Variants in COL4A4 observed in about 807,000 individuals in gnomAD.
COL4A4 encodes the protein collagen alpha-4(IV) chain.
A neutral mutation model predicts 192.9 loss-of-function variants in COL4A4; 105 were observed. The observed-to-expected ratio is 0.54, with a 90% CI of 0.46 to 0.64. The LOEUF (loss-of-function observed/expected upper bound fraction) is 0.64. Among genes scored for constraint, COL4A4 ranks in the 30% least tolerant of loss-of-function variants. COL4A4 has a pLI of 0.00. For synonymous variants in COL4A4, 762 were observed against 769.9 expected (o/e 0.99, Z 0.17); for missense variants, 1,967 against 2,169.3 (o/e 0.91, Z 1.85).
At chr2:227,073,831 A>C (rs1047345030) in intron 25 of COL4A4, among the ~76,000 whole-genome samples, 1 of 152,126 alleles carries the variant, frequency 6.6e-6, no homozygotes, top group Non-Finnish European at 1.5e-5. Flanking sequence ...TGCTGGGAAA[A>C]CTGCCAAGCT....
the COL4A4 span, among the ~76,000 whole-genome samples, chr2:226,969,394 CTTTTTTT>C: frequency 8.7e-6 from 1 of 115,526 alleles, no homozygotes; most frequent in Non-Finnish European, 1.7e-5. Flanking sequence ...ACAGCTCAGC[CTTTTTTT>C]TTTTTTTTTT....
At position 227,050,252 on chromosome 2, in the gene COL4A4, G is replaced by C. The variant is rs1370245496; in HGVS notation, c.3151-121C>G. 2.7e-5 allele frequency: 23 copies of C among 852,770 alleles called. No individual in the cohort carries two copies. In the Admixed American group the frequency reaches 4.2e-4, roughly 16 times the overall value. The allele number at this position is 852,770 out of a possible 1,614,324, so 52.8% of individuals were successfully genotyped here. ...GGTTTTTGTAATCTGCAGTGGTAACGAAAGTTTAAATGCATGCAAGCCTCC... is the reference window on the plus strand; with the variant it reads ...GGTTTTTGTAATCTGCAGTGGTAACCAAAGTTTAAATGCATGCAAGCCTCC... On this transcript the variant is annotated intron_variant, in intron 33 of 47. Coordinates refer to ENST00000396625, the MANE Select transcript of COL4A4 (RefSeq NM_000092.5).
chr2:227,073,380 C>A (rs1436731385), intron 25 of COL4A4, among the ~76,000 whole-genome samples: 4 of 151,964 alleles, frequency 2.6e-5, no homozygotes, highest in African/African-American at 9.7e-5. Context: ...CTACAAAACA[C>A]TGTTGAAAGA....
chr2:227,007,663 G>C, intron 47 of COL4A4, 75 bp from the exon 48 acceptor site: 1 of 1,582,760 alleles, frequency 6.3e-7, no homozygotes, highest in Non-Finnish European at 8.6e-7. Flanking sequence ...GACACACCCA[G>C]GTTTGGGTCT....
rs1473220913 is a variant in COL4A4, at chr2:227,123,650, T to C, written c.193-2502A>G. ...GAGGGCCCTGGTGATGGGTATGGAG[T>C]GCCTGCCAACTGTGCCTCCGGGGCT... On this transcript the variant is annotated intron_variant, in intron 4 of 47. Coordinates refer to ENST00000396625, the MANE Select transcript of COL4A4 (RefSeq NM_000092.5). The surrounding 1 kb of genome is among the most constrained non-coding windows in gnomAD (Gnocchi z 4.6). Among the ~76,000 whole-genome samples, 2 of 152,064 alleles carry C rather than the reference T, an allele frequency of 1.3e-5. No individual in the cohort carries two copies.
In COL4A4 at chr2:227,080,425, GAGA is replaced by G. The variant is rs746415005; in HGVS notation, c.1803+15_1803+17del. ...ATAAGAAAGTGAAATTCTATAGCAA[GAGA>G]AGAATTCTACATACTGGAGGTCCTG... On this transcript the variant is annotated intron_variant, in intron 24 of 47. Coordinates refer to ENST00000396625, the MANE Select transcript of COL4A4 (RefSeq NM_000092.5). 6.3e-7 allele frequency: 1 copy of G among 1,592,608 alleles called. No homozygotes were observed. Among genetic ancestry groups the G allele is most frequent in the South Asian group, 1.1e-5 (1 of 90,684 alleles).
At chr2:227,055,794 A>G (rs1476715714) in intron 30 of COL4A4, 151 bp downstream of exon 30, 5 of 712,654 alleles carry the variant, frequency 7.0e-6, no homozygotes, top group African/African-American at 3.5e-5. Context: ...ATAACGATAC[A>G]GAGGACAAGA....
chr2:227,162,253 C>T (rs1161230157), intron 1 of COL4A4, among the ~76,000 whole-genome samples: 1 of 152,156 alleles, frequency 6.6e-6, no homozygotes, highest in Non-Finnish European at 1.5e-5. Flanking sequence ...ACTTCCTGTT[C>T]CAAAATTGAT....
chr2:227,029,401 T>C (rs1967777181), intron 41 of COL4A4, among the ~76,000 whole-genome samples: 1 of 152,342 alleles, frequency 6.6e-6, no homozygotes, highest in East Asian at 1.9e-4. Flanking sequence ...TTCTCTAAAA[T>C]TGATTTCATT....
intron 1 of COL4A4, among the ~76,000 whole-genome samples, chr2:227,159,445 G>C (rs1329832503): frequency 2.0e-5 from 3 of 152,198 alleles, no homozygotes; most frequent in African/African-American, 7.2e-5. Flanking sequence ...TTAATTCCAT[G>C]CTTTAAGTGG....
chr2:227,014,649 T>C (rs550184176), intron 44 of COL4A4, among the ~76,000 whole-genome samples: 1 of 152,338 alleles, frequency 6.6e-6, no homozygotes, highest in Non-Finnish European at 1.5e-5. Context: ...GCTTATGTGG[T>C]AGAGCCAGAG....
At chr2:226,995,459 C>A in the COL4A4 span, 5 of 1,612,794 alleles carry the variant, frequency 3.1e-6, no homozygotes, top group South Asian at 4.4e-5. Context: ...CACCACCCTA[C>A]GGGTTTCATC....
chr2:227,088,542 C>T (rs1336618254), intron 22 of COL4A4, 111 bp downstream of exon 22: 1 of 1,411,140 alleles, frequency 7.1e-7, no homozygotes, highest in Non-Finnish European at 1.0e-6. Flanking sequence ...TCAATTAAAC[C>T]TCTTTCCTTA....
rs957861383 is a variant in COL4A4, at chr2:227,109,461, C to A, written c.595-175G>T. ...CTTTGATGCAGCCCTAAAAGGGCAC[C>A]AAGCAGTCCGGGCACGGTGGTTCAC... On this transcript the variant is annotated intron_variant, in intron 9 of 47. Transcript: ENST00000396625. The A allele has an allele frequency of 1.7e-5, 12 of 715,704 alleles. No individual in the cohort carries two copies. In the African/African-American group the frequency reaches 1.7e-4, roughly 10 times the overall value. 44.3% of individuals were successfully genotyped at this position (715,704 alleles called of 1,614,324 possible). A position where few individuals can be genotyped will look rare whatever the true frequency, so the allele number is the denominator to read the frequency against.
intron 36 of COL4A4, 150 bp downstream of exon 36, chr2:227,042,927 T>C (rs376008567): frequency 2.0e-5 from 13 of 665,624 alleles, no homozygotes; most frequent in East Asian, 1.6e-4. Context: ...AGGTGAGGCA[T>C]AGGTGAGCTT....
chr2:227,066,870 T>C (rs1304781088), intron 25 of COL4A4, among the ~76,000 whole-genome samples: 2 of 151,190 alleles, frequency 1.3e-5, no homozygotes, highest in Non-Finnish European at 2.9e-5. Flanking sequence ...ATAACAATAT[T>C]AACTTTAAAT....
intron 17 of COL4A4, among the ~76,000 whole-genome samples, chr2:227,099,930 A>C (rs980349902): frequency 7.9e-5 from 12 of 152,236 alleles, no homozygotes; most frequent in African/African-American, 2.7e-4. Context: ...AAAGAAATTT[A>C]ACTCCAGTGA....
At chr2:227,091,119 G>A (rs140250498) in intron 20 of COL4A4, among the ~76,000 whole-genome samples, 22 of 151,946 alleles carry the variant, frequency 1.4e-4, no homozygotes, top group African/African-American at 5.1e-4. Context: ...GAAGAAACAC[G>A]CATCACAGCA....
intron 4 of COL4A4, among the ~76,000 whole-genome samples, chr2:227,126,840 A>G (rs375682393): frequency 6.2e-4 from 95 of 152,336 alleles, no homozygotes; most frequent in African/African-American, 2.1e-3. Flanking sequence ...TGTTTCATGT[A>G]AAAGAATGGG....
Sources: gnomAD v4.1 joint callset for allele counts (sites outside exome capture counted in the v4.1 genomes callset) on GRCh38, gnomAD v4.1.1 for gene constraint, Gnocchi (gnomAD v3.1) non-coding constraint, MANE v1.5 for transcripts, NCBI Gene and HGNC (gene_info 2026-07-23, HGNC 2026-07-21) for gene names.